Variants in FEM1C observed in about 807,000 individuals in gnomAD.
FEM1C encodes the protein fem-1 homolog C.
A neutral mutation model predicts 37.6 loss-of-function variants in FEM1C; 15 were observed. The observed-to-expected ratio is 0.40, with a 90% CI of 0.27 to 0.61. The LOEUF (loss-of-function observed/expected upper bound fraction) is 0.61, where lower values mean the gene tolerates loss of function less well. Among genes scored for constraint, FEM1C ranks in the 20% least tolerant of loss-of-function variants. The pLI is 0.42. For synonymous variants in FEM1C, 287 were observed against 272.8 expected, an observed-to-expected ratio of 1.05 and a Z score of -0.51; for missense variants, 532 against 749.7, an observed-to-expected ratio of 0.71 and a Z score of 3.39.
chr5:115,522,525 T>G lies in FEM1C; in HGVS notation c.*1783A>C, dbSNP rs1009051031. 8.6e-5 allele frequency: 13 copies of G among 151,960 alleles called. No individual in the cohort carries two copies. Among genetic ancestry groups the G allele is most frequent in the Non-Finnish European group, 1.9e-4 (13 of 67,906 alleles). The allele number at this position is 151,960 out of a possible 1,614,324, so 9.4% of individuals were successfully genotyped here. ...AATGAGTAAGAATATCTTTTAAAAA[T>G]TAAATCTCAATTATTTAACCAAAAA... On this transcript the variant is annotated 3_prime_UTR_variant, in exon 3 of 3. Transcript: ENST00000274457.
chr5:115,530,179 G>A (rs6894123), intron 2 of FEM1C, among the ~76,000 whole-genome samples: 61,063 of 151,692 alleles, frequency 0.4, 12,868 homozygotes, highest in Middle Eastern at 0.48. Flanking sequence ...GGTAGAAAAT[G>A]ATCTTTAGAA....
intron 2 of FEM1C, among the ~76,000 whole-genome samples, chr5:115,540,824 A>G (rs570941580): frequency 6.6e-6 from 1 of 152,138 alleles, no homozygotes; most frequent in Non-Finnish European, 1.5e-5. Context: ...TTTATCAATA[A>G]TATCTACATC....
Position 115,542,994 on chromosome 5 carries a change from T to C in FEM1C, c.500A>G (p.Tyr167Cys). 2 of 1,614,220 alleles carry C rather than the reference T, an allele frequency of 1.2e-6. No homozygotes were observed. Among genetic ancestry groups the C allele is most frequent in the Non-Finnish European group, 1.7e-6 (2 of 1,180,038 alleles). The change falls in exon 2 of 3, where the codon TAT (tyrosine) becomes TGT (cysteine). Residue 167 changes from tyrosine to cysteine, a missense_variant. By Grantham distance (194) the Tyr-to-Cys change is radical. This residue lies in a region of FEM1C where 221 missense variants were observed against 404.1 expected (regional missense o/e 0.55). Coordinates refer to ENST00000274457, the MANE Select transcript of FEM1C (RefSeq NM_020177.3). ...AACATCTGCCCCCTTTTCAAGTAAA[T>C]ACTGAGCAATCTCTTTATGTCCTTT... is the stretch of plus-strand genomic sequence containing the variant. ...CYKGHKEIAQ[Y>C]LLEKGADVNR...
rs72817107 is a variant in FEM1C, at chr5:115,524,118, T to C, written c.*190A>G. 5.5e-6 allele frequency: 3 copies of C among 545,462 alleles called. No homozygotes were observed. Among genetic ancestry groups the C allele is most frequent in the Non-Finnish European group, 9.7e-6 (3 of 309,746 alleles). 33.8% of individuals were successfully genotyped at this position (545,462 alleles called of 1,614,324 possible). ...TTCTCAATAATTCACAAACAATATA[T>C]TATATGGTATATTTATATTAAATAT... On this transcript the variant is annotated 3_prime_UTR_variant, in exon 3 of 3. Coordinates refer to ENST00000274457, the MANE Select transcript of FEM1C (RefSeq NM_020177.3).
rs777628437 is a variant in FEM1C at position 115,524,948 on chromosome 5, G to C, written c.1214C>G (p.Thr405Ser). The C allele has an allele frequency of 6.2e-7, 1 of 1,613,794 alleles. No homozygotes were observed. The highest frequency in any genetic ancestry group is 8.5e-7 in the Non-Finnish European group (1 of 1,179,846). The stretch of plus-strand genomic sequence containing the variant: ...GCCCATAAGATCATCAAATGTAACA[G>C]TAGTACCCAGCAGGCCTTTAGCCCT... ...QDRAKGLLGT[T>S]VTFDDLMGIL... Residue 405 changes from threonine (T) to serine (S), a missense_variant, in exon 3 of 3, where the codon ACT becomes AGT. By Grantham distance (58) the Thr-to-Ser change is moderately conservative. This residue lies in a region of FEM1C where 237 missense variants were observed against 260.5 expected (regional missense o/e 0.91). Coordinates refer to ENST00000274457, the MANE Select transcript of FEM1C (RefSeq NM_020177.3).
intron 2 of FEM1C, among the ~76,000 whole-genome samples, chr5:115,528,047 CTA>C (rs932720722): frequency 2.8e-5 from 4 of 144,898 alleles, no homozygotes; most frequent in Non-Finnish European, 6.1e-5. Flanking sequence ...TAAATGAACT[CTA>C]TTTCTGTATT....
At chr5:115,542,807 T>G (rs1303701913) in intron 2 of FEM1C, 143 bp downstream of exon 2, 1 of 912,630 alleles carries the variant, frequency 1.1e-6, no homozygotes. Flanking sequence ...ATAGAAACAC[T>G]CAACAAAGTC....
At chr5:115,538,721 A>C (rs1754180180) in intron 2 of FEM1C, among the ~76,000 whole-genome samples, 1 of 151,996 alleles carries the variant, frequency 6.6e-6, no homozygotes, top group South Asian at 2.1e-4. Flanking sequence ...TGTCCTTTAA[A>C]ATTCAGCCCT....
chr5:115,524,446 T>G lies in FEM1C; in HGVS notation c.1716A>C (p.Glu572Asp). The change falls in exon 3 of 3, where the codon GAA becomes GAC. Residue 572 changes from glutamate (E) to aspartate (D), a missense_variant. Glu to Asp is a conservative substitution (Grantham distance 45). Around this residue, in one of 3 missense-constraint regions of FEM1C, gnomAD observed 237 missense variants for 260.5 expected, o/e 0.91. Coordinates refer to ENST00000274457, the MANE Select transcript of FEM1C (RefSeq NM_020177.3). ...QTASDLLDEK[E>D]IAKNLIQPIN... ...TAGGCTGGATTAAATTTTTAGCTAT[T>G]TCCTTCTCATCCAGCAAGTCACTAG... 6.2e-7 allele frequency: 1 copy of G among 1,613,346 alleles called. No individual in the cohort carries two copies. Among genetic ancestry groups the G allele is most frequent in the Non-Finnish European group, 8.5e-7 (1 of 1,179,630 alleles).
rs1283018070 is a variant in FEM1C at position 115,543,512 on chromosome 5, C to G, written c.-19G>C. ...GATCCATTTATGTCCAGTTGAGAGG[C>G]TGTGCTTTATTTATCTTTCAAAGCA... On this transcript the variant is annotated 5_prime_UTR_variant, in exon 2 of 3. Transcript: ENST00000274457. The G allele has an allele frequency of 1.3e-6, 2 of 1,574,142 alleles. No homozygotes were observed.
intron 2 of FEM1C, among the ~76,000 whole-genome samples, chr5:115,532,306 G>C (rs1038649194): frequency 2.6e-5 from 4 of 152,030 alleles, no homozygotes; most frequent in African/African-American, 9.7e-5. Context: ...CTAGCAACCT[G>C]CTAAAGCTAA....
Position 115,524,677 on chromosome 5 carries a change from T to A in FEM1C, c.1485A>T (p.Thr495=). ...TACAAACAGGGTACCGCCCTACACA[T>A]GTAGTATTCTTGTCCACAGCCAGAT... The part of the protein sequence containing the change: ...PLHLAVDKNT[T]CVGRYPVCKF... The change falls in exon 3 of 3, where the codon ACA becomes ACT. Residue 495 remains threonine, a synonymous_variant. Coordinates refer to ENST00000274457, the MANE Select transcript of FEM1C (RefSeq NM_020177.3). The A allele has an allele frequency of 1.3e-6, 2 of 1,549,864 alleles. No individual in the cohort carries two copies. The highest frequency in any genetic ancestry group is 1.7e-6 in the Non-Finnish European group (2 of 1,152,742).
intron 2 of FEM1C, among the ~76,000 whole-genome samples, chr5:115,541,855 T>C (rs566847203): frequency 5.1e-4 from 77 of 152,244 alleles, no homozygotes; most frequent in African/African-American, 1.6e-3. Context: ...TAGACAAGTA[T>C]GCTTGTATTT....
At chr5:115,534,885 GAGA>G (rs912413126) in intron 2 of FEM1C, among the ~76,000 whole-genome samples, 2 of 151,884 alleles carry the variant, frequency 1.3e-5, no homozygotes, top group African/African-American at 4.8e-5. Context: ...CAAGAAAATA[GAGA>G]AGGATTCTTA....
intron 2 of FEM1C, among the ~76,000 whole-genome samples, chr5:115,535,928 T>A (rs1754116437): frequency 6.6e-6 from 1 of 152,064 alleles, no homozygotes; most frequent in Non-Finnish European, 1.5e-5. Context: ...TGGATGAACC[T>A]TGAAAACATT....
At position 115,543,581 on chromosome 5, in the gene FEM1C, A is replaced by C; in HGVS notation, c.-88T>G. 6.7e-7 allele frequency: 1 copy of C among 1,503,302 alleles called. No individual in the cohort carries two copies. The highest frequency in any genetic ancestry group is 1.3e-5 in the South Asian group (1 of 74,162). The allele number at this position is 1,503,302 out of a possible 1,614,324, so 93.1% of individuals were successfully genotyped here. A position where few individuals can be genotyped will look rare whatever the true frequency, so the allele number is the denominator to read the frequency against. ...ATCGACACAGGCAAGAGTCACAGGA[A>C]CCAAAGTCCAATGTTAATTGCTGCA... On this transcript the variant is annotated 5_prime_UTR_variant, in exon 2 of 3. Coordinates refer to ENST00000274457, the MANE Select transcript of FEM1C (RefSeq NM_020177.3).
chr5:115,533,311 GCTTT>G (rs1161451319), intron 2 of FEM1C, among the ~76,000 whole-genome samples: 1 of 151,598 alleles, frequency 6.6e-6, no homozygotes, highest in Non-Finnish European at 1.5e-5. Context: ...GATTAATCTG[GCTTT>G]CTATGTATAA....
intron 2 of FEM1C, among the ~76,000 whole-genome samples, chr5:115,534,469 G>A (rs985941845): frequency 5.3e-5 from 8 of 151,864 alleles, no homozygotes; most frequent in African/African-American, 1.9e-4. Flanking sequence ...AACGTTTTGA[G>A]TTTGATAAGG....
chr5:115,531,870 C>G (rs993034318), intron 2 of FEM1C, among the ~76,000 whole-genome samples: 1 of 152,102 alleles, frequency 6.6e-6, no homozygotes, highest in Non-Finnish European at 1.5e-5. Flanking sequence ...CCTGCTCTAA[C>G]CCGGAGACAT....
Sources: gnomAD v4.1 joint callset for allele counts (sites outside exome capture counted in the v4.1 genomes callset) on GRCh38, gnomAD v4.1.1 for gene constraint, gnomAD v4.1.1 regional missense constraint, MANE v1.5 for transcripts, NCBI Gene and HGNC (gene_info 2026-07-23, HGNC 2026-07-21) for gene names.